The following MPV17 variants were observed in gnomAD, a reference collection of about 807,000 sequenced individuals.
MPV17 encodes mitochondrial inner membrane protein MPV17, also known as MPV17, mitochondrial inner membrane protein.
A neutral mutation model predicts 28.6 loss-of-function variants in MPV17; 31 were observed. The ratio of observed to expected loss-of-function variants is 1.08; its 90% CI spans 0.81 to 1.46. The LOEUF is 1.46. Ranked by LOEUF, MPV17 falls within the 40% of genes most tolerant of loss-of-function variation. The pLI is 0.00. For missense variants in MPV17, 198 were observed against 216.2 expected, an observed-to-expected ratio of 0.92 and a Z score of 0.53; for synonymous variants, 87 against 85.3, an observed-to-expected ratio of 1.02 and a Z score of -0.11.
chr2:27,322,322 T>C lies in MPV17; in HGVS notation c.70+126A>G, dbSNP rs79064596. 4 of 879,414 alleles carry C rather than the reference T, an allele frequency of 4.5e-6. No individual in the cohort carries two copies. In the Admixed American group the frequency reaches 7.1e-5, roughly 16 times the overall value. 54.5% of individuals were successfully genotyped at this position (879,414 alleles called of 1,614,324 possible). A position where few individuals can be genotyped will look rare whatever the true frequency, so the allele number is the denominator to read the frequency against. Reference sequence around the variant, plus strand: ...AAAACAGACTGGGGACAGTGTAGGATGAAAGACAGCCAACCCTTCAAGAGA... The same window carrying C: ...AAAACAGACTGGGGACAGTGTAGGACGAAAGACAGCCAACCCTTCAAGAGA... On this transcript the variant is annotated intron_variant, in intron 2 of 7. Coordinates refer to ENST00000380044, the MANE Select transcript of MPV17 (RefSeq NM_002437.5).
At position 27,309,720 on chromosome 2, in the gene MPV17, A is replaced by C. The variant is rs1679354791; in HGVS notation, c.*192T>G. 1.7e-5 allele frequency: 11 copies of C among 662,822 alleles called. No homozygotes were observed. In the South Asian group the frequency reaches 1.9e-4, roughly 11 times the overall value. The allele number at this position is 662,822 out of a possible 1,614,324, so 41.1% of individuals were successfully genotyped here. ...CCTAGTATGTGGTGGGAATAAGACT[A>C]TTATCAAGGGCTCTAAAGCAGTCAG... On this transcript the variant is annotated 3_prime_UTR_variant, in exon 8 of 8. Transcript: ENST00000380044.
chr2:27,311,623 T>G, intron 7 of MPV17: 2 of 1,550,508 alleles, frequency 1.3e-6, no homozygotes, highest in Non-Finnish European at 1.7e-6. Context: ...AGATATGCCA[T>G]CAAAGACGGA....
intron 2 of MPV17, among the ~76,000 whole-genome samples, chr2:27,319,870 G>A (rs1398256924): frequency 6.7e-6 from 1 of 149,288 alleles, no homozygotes; most frequent in African/African-American, 2.5e-5. Flanking sequence ...AGGTTGCAGT[G>A]AGCTGATATA....
intron 2 of MPV17, among the ~76,000 whole-genome samples, chr2:27,313,939 T>C (rs774064355): frequency 6.6e-6 from 1 of 152,180 alleles, no homozygotes; most frequent in Non-Finnish European, 1.5e-5. Context: ...CTTGAACCCC[T>C]GACCTCAGGT....
chr2:27,310,618 G>A (rs1293735487), intron 7 of MPV17, among the ~76,000 whole-genome samples: 5 of 152,240 alleles, frequency 3.3e-5, no homozygotes, highest in Admixed American at 6.5e-5. Flanking sequence ...TTCATCTTCC[G>A]AAATGTACGG....
At chr2:27,313,302 T>C in intron 2 of MPV17, 193 bp from the exon 3 acceptor site, 12 of 1,314,482 alleles carry the variant, frequency 9.1e-6, no homozygotes, top group Non-Finnish European at 1.3e-5. Context: ...ACACCTCATG[T>C]GTATTCTGTC....
chr2:27,311,917 A>T lies in MPV17; in HGVS notation c.443T>A (p.Leu148Gln), dbSNP rs1399636243. The change falls in exon 7 of 8, where the codon CTG becomes CAG. Residue 148 changes from leucine (L) to glutamine (Q), a missense_variant. Leu to Gln is a moderately radical substitution (Grantham distance 113). Coordinates refer to ENST00000380044, the MANE Select transcript of MPV17 (RefSeq NM_002437.5). ...AACATACCTGTAATGAAGGGGGACC[A>T]GGTAGAAGTTGGCTAACTGCACAGC... ...WPAVQLANFY[L>Q]VPLHYRLAVV... The T allele has an allele frequency of 6.2e-7, 1 of 1,613,774 alleles. No homozygotes were observed. Among genetic ancestry groups the T allele is most frequent in the Non-Finnish European group, 8.5e-7 (1 of 1,180,016 alleles).
chr2:27,312,454 C>T (rs1335616090), intron 5 of MPV17, 40 bp downstream of exon 5: 2 of 1,593,786 alleles, frequency 1.3e-6, no homozygotes, highest in Non-Finnish European at 1.7e-6. Context: ...GGGCTGTCAG[C>T]CCGCCAGCCA....
Position 27,311,006 on chromosome 2 carries a change from G to C in MPV17, c.461+893C>G, listed in dbSNP as rs1023057169. On this transcript the variant is annotated intron_variant, in intron 7 of 7. Coordinates refer to ENST00000380044, the MANE Select transcript of MPV17 (RefSeq NM_002437.5). ...GATCCACCTGCCTCAGCCTCCCAAA[G>C]TGTTGGGATTACAGGCGTGAGCCAC... is the stretch of plus-strand genomic sequence containing the variant. 3 of 139,124 alleles carry C rather than the reference G, an allele frequency of 2.2e-5. No individual in the cohort carries two copies. In the Admixed American group the frequency reaches 2.2e-4, roughly 10 times the overall value. The allele number at this position is 139,124 out of a possible 1,614,324, so 8.6% of individuals were successfully genotyped here. A position where few individuals can be genotyped will look rare whatever the true frequency, so the allele number is the denominator to read the frequency against.
At chr2:27,310,115 C>CT (rs35424642) in intron 7 of MPV17, 134 bp from the exon 8 acceptor site, 56 of 749,596 alleles carry the variant, frequency 7.5e-5, no homozygotes, top group Middle Eastern at 2.4e-4. Context: ...CCTTCAGCAC[C>CT]TTTTTTTTGA....
chr2:27,314,479 G>A (rs1414905758), intron 2 of MPV17, among the ~76,000 whole-genome samples: 2 of 152,132 alleles, frequency 1.3e-5, no homozygotes, highest in Non-Finnish European at 2.9e-5. Context: ...ACCTTAGATT[G>A]AGTTGGCAAT....
chr2:27,321,986 T>A (rs1679876923), intron 2 of MPV17: 1 of 194,818 alleles, frequency 5.1e-6, no homozygotes, highest in African/African-American at 2.3e-5. Flanking sequence ...TTCTTTTGTA[T>A]GTTTCACAAT....
intron 1 of MPV17, 144 bp from the exon 2 acceptor site, chr2:27,322,666 C>A: frequency 1.5e-6 from 1 of 673,912 alleles, no homozygotes; most frequent in Non-Finnish European, 2.6e-6. Context: ...AAGGATGCTT[C>A]CCAGACAGCT....
Position 27,321,284 on chromosome 2 carries a change from G to A in MPV17, c.70+1164C>T, listed in dbSNP as rs58711207. On this transcript the variant is annotated intron_variant, in intron 2 of 7. Coordinates refer to ENST00000380044, the MANE Select transcript of MPV17 (RefSeq NM_002437.5). ...CATGAGTCACCACACACGTAGCCAG[G>A]TGAGTCATACAGGCTGACGGACGCT... Among the ~76,000 whole-genome samples, 491 of 152,366 alleles carry A rather than the reference G, an allele frequency of 3.2e-3. 1 individual carries two copies. Among genetic ancestry groups the A allele is most frequent in the African/African-American group, 0.011 (470 of 41,592 alleles).
chr2:27,313,607 T>C (rs1415897439), intron 2 of MPV17, among the ~76,000 whole-genome samples: 1 of 152,178 alleles, frequency 6.6e-6, no homozygotes, highest in African/African-American at 2.4e-5. Context: ...GAATAAATCA[T>C]GTGTAGAATG....
intron 2 of MPV17, among the ~76,000 whole-genome samples, chr2:27,319,994 T>C (rs1412621703): frequency 6.7e-6 from 1 of 150,266 alleles, no homozygotes. Flanking sequence ...CCCCAGCACT[T>C]TAGGAGGCCG....
Position 27,317,229 on chromosome 2 carries a change from A to C in MPV17, c.71-4120T>G. ...GGCCAGCAGTGCTGCCTTCCTCCCC[A>C]GAAGTCTGCAAACATTAGTTAGCTG... On this transcript the variant is annotated intron_variant, in intron 2 of 7. Transcript: ENST00000380044. This position sits in a 1 kb window ranked among gnomAD's most constrained non-coding sequence, Gnocchi z 4.0. 6.5e-7 allele frequency: 1 copy of C among 1,545,172 alleles called. No homozygotes were observed. The highest frequency in any genetic ancestry group is 8.7e-7 in the Non-Finnish European group (1 of 1,144,458).
chr2:27,310,839 G>C (rs1309895937), intron 7 of MPV17, among the ~76,000 whole-genome samples: 3 of 152,018 alleles, frequency 2.0e-5, no homozygotes, highest in Non-Finnish European at 4.4e-5. Context: ...CCGCCTCCCA[G>C]GTTCAAGCGA....
At position 27,309,943 on chromosome 2, in the gene MPV17, G is replaced by A; in HGVS notation, c.500C>T (p.Ser167Phe). 6.2e-7 allele frequency: 1 copy of A among 1,614,094 alleles called. No homozygotes were observed. Among genetic ancestry groups the A allele is most frequent in the Non-Finnish European group, 8.5e-7 (1 of 1,179,966 alleles). Residue 167 changes from serine to phenylalanine, a missense_variant, in exon 8 of 8, where the codon TCC becomes TTC. Coordinates refer to ENST00000380044, the MANE Select transcript of MPV17 (RefSeq NM_002437.5). ...CCGATGTGCCTTCCAGGACAGGTAG[G>A]AGTTCCAGATAACAGCAACACATTG... ...VVQCVAVIWNSYLSWKAHRL is the reference protein window; with the variant it reads ...VVQCVAVIWNFYLSWKAHRL
Sources: gnomAD v4.1 joint callset for allele counts (sites outside exome capture counted in the v4.1 genomes callset) on GRCh38, gnomAD v4.1.1 for gene constraint, Gnocchi (gnomAD v3.1) non-coding constraint, MANE v1.5 for transcripts, NCBI Gene and HGNC (gene_info 2026-07-23, HGNC 2026-07-21) for gene names.